Variants in RBFOX1 observed in about 807,000 individuals in gnomAD.
The protein encoded by RBFOX1 is RNA binding protein fox-1 homolog 1.
A neutral mutation model predicts 57.7 loss-of-function variants in RBFOX1; 8 were observed. The observed-to-expected ratio is 0.14, with a 90% CI of 0.08 to 0.25. RBFOX1 has a LOEUF of 0.25. Among genes scored for constraint, RBFOX1 ranks in the 10% least tolerant of loss-of-function variants. The pLI, the probability that RBFOX1 is intolerant of heterozygous loss-of-function variation, is 1.00. For synonymous variants in RBFOX1, 326 were observed against 222.4 expected (o/e 1.47, Z -4.15); for missense variants, 611 against 548.5 (o/e 1.11, Z -1.14).
chr16:5,786,597 C>T (rs1003491352), intron 3 of RBFOX1, among the ~76,000 whole-genome samples: 52 of 152,146 alleles, frequency 3.4e-4, no homozygotes, highest in African/African-American at 1.2e-3. Flanking sequence ...TTTTCCAAGA[C>T]CTCTGCACCT....
chr16:6,229,199 A>G (rs1354183363), intron 1 of RBFOX1, among the ~76,000 whole-genome samples: 1 of 152,058 alleles, frequency 6.6e-6, no homozygotes, highest in Non-Finnish European at 1.5e-5. Context: ...CTGAAAGGTC[A>G]TTTGTAAAGC....
chr16:7,118,755 C>T (rs74880688), intron 4 of RBFOX1, among the ~76,000 whole-genome samples: 38 of 152,108 alleles, frequency 2.5e-4, no homozygotes, highest in Non-Finnish European at 4.7e-4. Context: ...AGGATGCACA[C>T]CACAAGAATT....
chr16:6,146,113 C>G (rs964174483), intron 1 of RBFOX1, among the ~76,000 whole-genome samples: 3 of 152,106 alleles, frequency 2.0e-5, no homozygotes, highest in Admixed American at 1.3e-4. Context: ...GCCTGAAGCA[C>G]CTTTCTGACC....
intron 3 of RBFOX1, among the ~76,000 whole-genome samples, chr16:6,835,722 C>G (rs2093043924): frequency 1.4e-5 from 2 of 140,758 alleles, no homozygotes; most frequent in South Asian, 4.6e-4. Context: ...TCATTGCACT[C>G]CAGCCTGGGT....
In RBFOX1 at chr16:7,529,252, C is replaced by G. The variant is rs958294812; in HGVS notation, c.270+10863C>G. On this transcript the variant is annotated intron_variant, in intron 5 of 15. Transcript: ENST00000550418. Reference sequence around the variant, plus strand: ...CTCCACCCTGAGTGACAGAATCAGACTCTGTCTCAAAAACAACAACAACAA... The same window carrying G: ...CTCCACCCTGAGTGACAGAATCAGAGTCTGTCTCAAAAACAACAACAACAA... 1.2e-4 allele frequency among the ~76,000 whole-genome samples: 19 copies of G among 152,186 alleles called. No homozygotes were observed. The East Asian group carries it at 2.5e-3, about 20-fold the overall frequency.
At chr16:7,690,489 A>C (rs935867889) in intron 14 of RBFOX1, among the ~76,000 whole-genome samples, 1 of 152,106 alleles carries the variant, frequency 6.6e-6, no homozygotes, top group Non-Finnish European at 1.5e-5. Context: ...TTTTATGAAC[A>C]ACTAAGGAAC....
chr16:6,670,961 C>T (rs150712402), intron 3 of RBFOX1, among the ~76,000 whole-genome samples: 3,391 of 152,240 alleles, frequency 0.022, 49 homozygotes, highest in Non-Finnish European at 0.036. Flanking sequence ...GATCGTGCCA[C>T]TGCACTCCAG....
intron 3 of RBFOX1, among the ~76,000 whole-genome samples, chr16:6,965,683 C>T (rs1052342442): frequency 3.9e-5 from 6 of 152,256 alleles, no homozygotes; most frequent in African/African-American, 1.2e-4. Context: ...AGTCCAGTGA[C>T]TATATTATCT....
At chr16:6,373,954 A>T (rs1238801404) in intron 2 of RBFOX1, among the ~76,000 whole-genome samples, 1 of 152,178 alleles carries the variant, frequency 6.6e-6, no homozygotes, top group Non-Finnish European at 1.5e-5. Context: ...GACTTTCAGG[A>T]ACAGGAATGG....
intron 2 of RBFOX1, among the ~76,000 whole-genome samples, chr16:6,645,586 C>G (rs923520971): frequency 5.3e-5 from 8 of 152,152 alleles, no homozygotes; most frequent in Admixed American, 5.2e-4. Flanking sequence ...GGAGAGAGAA[C>G]TGCTTCTGAA....
intron 3 of RBFOX1, among the ~76,000 whole-genome samples, chr16:5,846,456 A>G (rs1321173296): frequency 6.6e-6 from 1 of 152,168 alleles, no homozygotes; most frequent in Non-Finnish European, 1.5e-5. Flanking sequence ...ACAAGTGTTC[A>G]CTGAGTGTGC....
At chr16:6,917,653 C>A (rs533155527) in intron 3 of RBFOX1, among the ~76,000 whole-genome samples, 3 of 152,304 alleles carry the variant, frequency 2.0e-5, no homozygotes, top group African/African-American at 4.8e-5. Flanking sequence ...GTTCCAGATA[C>A]CATTTGCTGT....
intron 3 of RBFOX1, among the ~76,000 whole-genome samples, chr16:6,675,308 G>A (rs1487150089): frequency 6.6e-6 from 1 of 152,120 alleles, no homozygotes; most frequent in Non-Finnish European, 1.5e-5. Flanking sequence ...CTGGCTTTAG[G>A]TATGCCTAAA....
At chr16:7,334,073 C>G (rs911838725) in intron 4 of RBFOX1, among the ~76,000 whole-genome samples, 10 of 152,110 alleles carry the variant, frequency 6.6e-5, no homozygotes, top group Admixed American at 2.6e-4. Context: ...ATATGATACC[C>G]TAGCTCATTA....
At chr16:6,441,774 A>G (rs2094387754) in intron 2 of RBFOX1, among the ~76,000 whole-genome samples, 1 of 152,102 alleles carries the variant, frequency 6.6e-6, no homozygotes. Flanking sequence ...GATATAGCCC[A>G]TGTTTTACGT....
At chr16:6,407,338 T>C (rs1454765046) in intron 2 of RBFOX1, among the ~76,000 whole-genome samples, 1 of 152,182 alleles carries the variant, frequency 6.6e-6, no homozygotes, top group Non-Finnish European at 1.5e-5. Context: ...TCCATTTCTA[T>C]CTCTATATGT....
At chr16:6,287,027 A>G (rs1196973216) in intron 1 of RBFOX1, among the ~76,000 whole-genome samples, 3 of 152,102 alleles carry the variant, frequency 2.0e-5, no homozygotes, top group Non-Finnish European at 2.9e-5. Flanking sequence ...AAATGCCTAC[A>G]GAGATCTACA....
In RBFOX1 at chr16:6,287,561, G is replaced by A. The variant is rs374727129; in HGVS notation, c.-126-29434G>A. ...CATCATTCTCACAACTGCTAACACA[G>A]GGCAGTGCCTGATTCATAGTTAGAC... On this transcript the variant is annotated intron_variant, in intron 1 of 15. Transcript: ENST00000550418. Among the ~76,000 whole-genome samples, 5 of 152,144 alleles carry A rather than the reference G, an allele frequency of 3.3e-5. No individual in the cohort carries two copies. In the East Asian group the frequency reaches 5.8e-4, roughly 18 times the overall value.
Position 6,995,754 on chromosome 16 carries a change from C to G in RBFOX1, c.-15-56303C>G, listed in dbSNP as rs115017353. Among the ~76,000 whole-genome samples, 1,414 of 151,872 alleles carry G rather than the reference C, an allele frequency of 9.3e-3. 32 individuals are homozygous for G. Among genetic ancestry groups the G allele is most frequent in the African/African-American group, 0.032 (1,345 of 41,390 alleles). On this transcript the variant is annotated intron_variant, in intron 3 of 15. Transcript: ENST00000550418. ...GCAGCCTGGGCCATAGAGTGAGACT[C>G]CATCTTAAAAAAATAATAATAAAAA...
Sources: gnomAD v4.1 joint callset for allele counts (sites outside exome capture counted in the v4.1 genomes callset) on GRCh38, gnomAD v4.1.1 for gene constraint, MANE v1.5 for transcripts, NCBI Gene and HGNC (gene_info 2026-07-23, HGNC 2026-07-21) for gene names.